COL4A3: variants seen among roughly 807,000 people sequenced by gnomAD.
COL4A3 encodes the protein collagen alpha-3(IV) chain.
Under a neutral mutation model 217.4 loss-of-function variants are expected in COL4A3, and 135 were observed. The ratio of observed to expected loss-of-function variants is 0.62; its 90% CI spans 0.54 to 0.72. COL4A3 has a LOEUF of 0.72. Among genes scored for constraint, COL4A3 ranks in the 30% least tolerant of loss-of-function variants. The pLI, the probability that COL4A3 is intolerant of heterozygous loss-of-function variation, is 0.00. For missense variants in COL4A3, 1,868 were observed against 2,119.9 expected (o/e 0.88, Z 2.33); for synonymous variants, 690 against 736.3 (o/e 0.94, Z 1.02).
At chr2:227,295,187 C>T (rs1012219985) in intron 40 of COL4A3, 82 bp from the exon 41 acceptor site, 26 of 1,513,804 alleles carry the variant, frequency 1.7e-5, no homozygotes, top group Middle Eastern at 1.7e-4. Flanking sequence ...AACATGTTTT[C>T]GGTGTGTACT....
At chr2:227,277,754 C>A (rs1470089421) in intron 28 of COL4A3, among the ~76,000 whole-genome samples, 1 of 152,146 alleles carries the variant, frequency 6.6e-6, no homozygotes, top group Non-Finnish European at 1.5e-5. Flanking sequence ...AATCCCAGCA[C>A]TTTGGGAGGC....
intron 3 of COL4A3, among the ~76,000 whole-genome samples, chr2:227,243,608 C>A (rs2069151788): frequency 6.6e-6 from 1 of 152,078 alleles, no homozygotes; most frequent in African/African-American, 2.4e-5. Flanking sequence ...CAAATAATAA[C>A]AATAAAATTA....
intron 1 of COL4A3, among the ~76,000 whole-genome samples, chr2:227,224,843 T>C (rs2068000789): frequency 6.6e-6 from 1 of 152,232 alleles, no homozygotes; most frequent in Admixed American, 6.5e-5. Context: ...AGATGAACTG[T>C]CTTTTTATTG....
chr2:227,242,788 T>G (rs1429079324), intron 3 of COL4A3, among the ~76,000 whole-genome samples: 1 of 152,232 alleles, frequency 6.6e-6, no homozygotes, highest in African/African-American at 2.4e-5. Context: ...ACATATATGA[T>G]GCCAGAATCA....
intron 1 of COL4A3, among the ~76,000 whole-genome samples, chr2:227,213,183 GC>G (rs1275000747): frequency 6.6e-6 from 1 of 152,198 alleles, no homozygotes; most frequent in Non-Finnish European, 1.5e-5. Flanking sequence ...AATAGCTGAA[GC>G]GTAGGCTGAA....
chr2:227,209,925 C>T (rs1160266157), intron 1 of COL4A3, among the ~76,000 whole-genome samples: 1 of 152,174 alleles, frequency 6.6e-6, no homozygotes, highest in South Asian at 2.1e-4. Context: ...TATGTTCTGA[C>T]CAACTCTCAA....
chr2:227,285,485 T>C (rs918848469), intron 34 of COL4A3, among the ~76,000 whole-genome samples: 8 of 151,490 alleles, frequency 5.3e-5, no homozygotes, highest in African/African-American at 1.9e-4. Flanking sequence ...GCGACTTTTA[T>C]AAAACTCTGC....
chr2:227,198,730 G>T (rs1340146295), intron 1 of COL4A3, among the ~76,000 whole-genome samples: 2 of 152,090 alleles, frequency 1.3e-5, no homozygotes, highest in Non-Finnish European at 2.9e-5. Context: ...TTACAGTGAG[G>T]TAAGTTTTAA....
chr2:227,205,418 A>G (rs1356392903), intron 1 of COL4A3, among the ~76,000 whole-genome samples: 4 of 152,162 alleles, frequency 2.6e-5, no homozygotes. Flanking sequence ...ACATTGTGAT[A>G]TGTTTATAAC....
chr2:227,282,416 A>G lies in COL4A3; in HGVS notation c.2540A>G (p.Asp847Gly). The G allele has an allele frequency of 1.2e-6, 2 of 1,613,848 alleles. No individual in the cohort carries two copies. Among genetic ancestry groups the G allele is most frequent in the Non-Finnish European group, 8.5e-7 (1 of 1,179,946 alleles). ...PKGDPGIPGL[D>G]RSGFPGETGS... Reference sequence around the variant, plus strand: ...GGAGACCCAGGAATTCCAGGCTTGGATAGATCAGGATTTCCTGGAGAAACT... The same window carrying G: ...GGAGACCCAGGAATTCCAGGCTTGGGTAGATCAGGATTTCCTGGAGAAACT... Residue 847 changes from aspartate to glycine, a missense_variant, in exon 32 of 52, where the codon GAT (aspartate) becomes GGT (glycine). Around this residue, in one of 2 missense-constraint regions of COL4A3, gnomAD observed 1,503 missense variants for 1,786.1 expected, o/e 0.84. Transcript: ENST00000396578. The surrounding 1 kb of genome is among the most constrained non-coding windows in gnomAD (Gnocchi z 4.4).
intron 50 of COL4A3, 80 bp downstream of exon 50, chr2:227,309,398 C>T: frequency 9.2e-7 from 1 of 1,088,488 alleles, no homozygotes; most frequent in South Asian, 1.3e-5. Flanking sequence ...ATGTGATTCC[C>T]AGGGTCGATG....
chr2:227,242,142 T>C (rs2069061772), intron 3 of COL4A3, among the ~76,000 whole-genome samples: 1 of 152,188 alleles, frequency 6.6e-6, no homozygotes, highest in African/African-American at 2.4e-5. Context: ...TCAGGACTAG[T>C]CATAAGTAGT....
chr2:227,190,796 A>G (rs750705296), intron 1 of COL4A3, among the ~76,000 whole-genome samples: 5 of 152,176 alleles, frequency 3.3e-5, no homozygotes, highest in Admixed American at 2.6e-4. Context: ...AGTCCCAGCT[A>G]CTCAGAAGGC....
Position 227,300,630 on chromosome 2 carries a change from A to G in COL4A3, c.3882+1818A>G, listed in dbSNP as rs531770658. Among the ~76,000 whole-genome samples, 48 of 152,198 alleles carry G rather than the reference A, an allele frequency of 3.2e-4. 1 individual carries two copies. Among genetic ancestry groups the G allele is most frequent in the Middle Eastern group, 3.2e-3 (1 of 316 alleles). On this transcript the variant is annotated intron_variant, in intron 43 of 51. Transcript: ENST00000396578. ...GATCATAACTGAGTGTCTACTCTGT[A>G]CCAATGGATAGAAAAACAAAAAGCT... is the stretch of plus-strand genomic sequence containing the variant.
chr2:227,263,981 G>A, intron 21 of COL4A3, 37 bp downstream of exon 21: 1 of 1,612,586 alleles, frequency 6.2e-7, no homozygotes, highest in Non-Finnish European at 8.5e-7. Context: ...TGTGCACAGT[G>A]CCAAATGACA....
intron 1 of COL4A3, among the ~76,000 whole-genome samples, chr2:227,234,755 C>T (rs1488775425): frequency 2.0e-5 from 3 of 152,184 alleles, no homozygotes; most frequent in Non-Finnish European, 4.4e-5. Context: ...CAAACACTTG[C>T]TTAAGCTAAG....
At chr2:227,249,855 T>C (rs964588443) in intron 9 of COL4A3, among the ~76,000 whole-genome samples, 2 of 152,218 alleles carry the variant, frequency 1.3e-5, no homozygotes, top group Non-Finnish European at 2.9e-5. Flanking sequence ...ATTGATACAT[T>C]CTTTAAATGT....
rs907235866 is a variant in COL4A3 at position 227,313,695 on chromosome 2, C to G, written c.*1825C>G. 1.3e-5 allele frequency: 2 copies of G among 152,646 alleles called. No homozygotes were observed. 9.5% of individuals were successfully genotyped at this position (152,646 alleles called of 1,614,324 possible). On this transcript the variant is annotated 3_prime_UTR_variant, in exon 52 of 52. Transcript: ENST00000396578. The stretch of plus-strand genomic sequence containing the variant: ...GTTTGCTGTCAAGCCATTTTTACAT[C>G]TAAACTAAGATGTGCAGCATTTCAC...
At chr2:227,205,710 A>ATTTTTT (rs398105402) in intron 1 of COL4A3, among the ~76,000 whole-genome samples, 2,208 of 149,622 alleles carry the variant, frequency 0.015, 20 homozygotes, top group South Asian at 0.025. Flanking sequence ...TTCAACAAAT[A>ATTTTTT]TTTTTTTTTT....
Sources: gnomAD v4.1 joint callset for allele counts (sites outside exome capture counted in the v4.1 genomes callset) on GRCh38, gnomAD v4.1.1 for gene constraint, gnomAD v4.1.1 regional missense constraint, Gnocchi (gnomAD v3.1) non-coding constraint, MANE v1.5 for transcripts, NCBI Gene and HGNC (gene_info 2026-07-23, HGNC 2026-07-21) for gene names.